Variants in CEP128 observed in about 807,000 individuals in gnomAD.
CEP128 encodes the protein centrosomal protein 128kDa.
In CEP128, 132 loss-of-function variants were observed where a neutral mutation model predicts 156.7. The ratio of observed to expected loss-of-function variants is 0.84; its 90% CI spans 0.73 to 0.97. The LOEUF (loss-of-function observed/expected upper bound fraction) is 0.97. Ranked by LOEUF, CEP128 falls within the 50% of genes least tolerant of loss-of-function variation. The pLI is 0.00. For synonymous variants in CEP128, 469 were observed against 448.9 expected, an observed-to-expected ratio of 1.04 and a Z score of -0.57; for missense variants, 1,252 against 1,281.9, an observed-to-expected ratio of 0.98 and a Z score of 0.36.
At chr14:80,885,854 C>A (rs865864591) in intron 8 of CEP128, among the ~76,000 whole-genome samples, 3 of 151,968 alleles carry the variant, frequency 2.0e-5, no homozygotes, top group African/African-American at 7.3e-5. Context: ...AATGTTCTAA[C>A]CCAATGCAAG....
At chr14:80,948,569 T>C (rs10135774) in intron 2 of CEP128, among the ~76,000 whole-genome samples, 65,519 of 152,032 alleles carry the variant, frequency 0.43, 14,502 homozygotes, top group Middle Eastern at 0.53. Flanking sequence ...ATGGGGACTT[T>C]CTGAAAAAAG....
chr14:80,671,638 C>G (rs1595187088), intron 19 of CEP128, among the ~76,000 whole-genome samples: 2 of 152,234 alleles, frequency 1.3e-5, no homozygotes, highest in East Asian at 1.9e-4. Context: ...AACAGGCAAT[C>G]TACTAATAAC....
At chr14:80,941,045 A>T (rs1373029803) in intron 1 of CEP128, among the ~76,000 whole-genome samples, 1 of 152,216 alleles carries the variant, frequency 6.6e-6, no homozygotes, top group Non-Finnish European at 1.5e-5. Flanking sequence ...AATGTCAGGT[A>T]TTTTTACGAA....
At chr14:80,945,159 G>A (rs143893949), upstream of CEP128, among the ~76,000 whole-genome samples, 864 of 152,272 alleles carry the variant, frequency 5.7e-3, 5 homozygotes, top group Non-Finnish European at 5.4e-3. Flanking sequence ...TTCTCCTAAG[G>A]TCTCTGTCTT....
At chr14:80,853,110 C>G (rs868816079) in intron 9 of CEP128, among the ~76,000 whole-genome samples, 2 of 151,592 alleles carry the variant, frequency 1.3e-5, no homozygotes, top group Non-Finnish European at 3.0e-5. Flanking sequence ...AAATAAATAA[C>G]AGCAAACATC....
intron 23 of CEP128, among the ~76,000 whole-genome samples, chr14:80,522,221 A>C (rs970286013): frequency 7.9e-5 from 12 of 152,230 alleles, no homozygotes; most frequent in Non-Finnish European, 1.3e-4. Context: ...ATGCTTTAGA[A>C]GCTACTGTTG....
At chr14:80,810,323 CAAAAAAAAAA>C (rs71103883) in intron 13 of CEP128, among the ~76,000 whole-genome samples, 5 of 15,192 alleles carry the variant, frequency 3.3e-4, no homozygotes, top group Admixed American at 1.0e-3. Flanking sequence ...ACTCCATCTC[CAAAAAAAAAA>C]AAAAAAAAAA....
chr14:80,877,488 A>T (rs1181499344), intron 8 of CEP128, among the ~76,000 whole-genome samples: 1 of 152,236 alleles, frequency 6.6e-6, no homozygotes, highest in Non-Finnish European at 1.5e-5. Flanking sequence ...GAGTGACATC[A>T]GCAAGCTGGC....
At chr14:80,594,340 T>G (rs564166678) in intron 19 of CEP128, among the ~76,000 whole-genome samples, 4 of 152,298 alleles carry the variant, frequency 2.6e-5, no homozygotes, top group South Asian at 2.1e-4. Context: ...ATTAAAGACT[T>G]AAACATAAGA....
At chr14:80,830,143 T>C (rs1444395763) in intron 13 of CEP128, 3 of 485,532 alleles carry the variant, frequency 6.2e-6, no homozygotes, top group Admixed American at 3.7e-5. Flanking sequence ...TTAAAAGTTG[T>C]ATAATTACCA....
intron 14 of CEP128, among the ~76,000 whole-genome samples, chr14:80,787,725 C>T (rs935621049): frequency 1.3e-5 from 2 of 151,978 alleles, no homozygotes; most frequent in African/African-American, 2.4e-5. Context: ...AACTTAGCCC[C>T]CTTGGCATGA....
intron 2 of CEP128, among the ~76,000 whole-genome samples, chr14:80,917,979 C>A (rs1778791774): frequency 1.3e-5 from 2 of 152,076 alleles, no homozygotes; most frequent in South Asian, 4.1e-4. Context: ...GGTTAGAGAA[C>A]ATCCTGTTGA....
At chr14:80,954,684 A>G (rs1886562949) in intron 2 of CEP128, among the ~76,000 whole-genome samples, 1 of 152,240 alleles carries the variant, frequency 6.6e-6, no homozygotes, top group African/African-American at 2.4e-5. Flanking sequence ...CCCAAGAGGA[A>G]TAAGTGATTG....
chr14:80,825,176 C>G (rs551872149), intron 13 of CEP128, among the ~76,000 whole-genome samples: 1 of 152,218 alleles, frequency 6.6e-6, no homozygotes, highest in Non-Finnish European at 1.5e-5. Context: ...CCTCCCACAA[C>G]GGTGGGGATT....
chr14:80,852,940 A>T (rs1360541737), intron 9 of CEP128, among the ~76,000 whole-genome samples: 1 of 151,936 alleles, frequency 6.6e-6, no homozygotes, highest in Non-Finnish European at 1.5e-5. Context: ...GTATAAAAAA[A>T]AATTATAATC....
At chr14:80,833,608 T>C (rs1486491051) in intron 12 of CEP128, among the ~76,000 whole-genome samples, 26 of 152,266 alleles carry the variant, frequency 1.7e-4, no homozygotes, top group Admixed American at 1.6e-3. Context: ...ATGTGTGATC[T>C]TGGGCAAGTA....
chr14:80,802,324 T>C (rs868846081), intron 13 of CEP128, among the ~76,000 whole-genome samples: 4 of 152,270 alleles, frequency 2.6e-5, no homozygotes, highest in Middle Eastern at 3.4e-3. Flanking sequence ...AAAGAAAATA[T>C]GGTATATATA....
chr14:80,612,281 C>G (rs927458188), intron 19 of CEP128, among the ~76,000 whole-genome samples: 3 of 151,900 alleles, frequency 2.0e-5, no homozygotes, highest in African/African-American at 7.3e-5. Context: ...TCAGAAATCT[C>G]AAAATGATTT....
intron 2 of CEP128, chr14:80,955,944 G>C (rs900816207): frequency 6.8e-7 from 1 of 1,463,030 alleles, no homozygotes; most frequent in Admixed American, 1.7e-5. Flanking sequence ...ATAACAGCCC[G>C]AAGTAGTGTG....
Sources: gnomAD v4.1 joint callset for allele counts (sites outside exome capture counted in the v4.1 genomes callset) on GRCh38, gnomAD v4.1.1 for gene constraint, MANE v1.5 for transcripts, NCBI Gene and HGNC (gene_info 2026-07-23, HGNC 2026-07-21) for gene names.